BIRC6: variants seen among roughly 807,000 people sequenced by gnomAD.
BIRC6 encodes the protein baculoviral IAP repeat containing 6.
A neutral mutation model predicts 503.3 loss-of-function variants in BIRC6; 98 were observed. That is an observed-to-expected ratio of 0.19 (90% CI 0.17 to 0.23). BIRC6 has a LOEUF of 0.23. Among genes scored for constraint, BIRC6 ranks in the 10% least tolerant of loss-of-function variants. The probability of loss-of-function intolerance (pLI) is 1.00; values close to 1 mark genes in which losing one functional copy is unlikely to be tolerated. For synonymous variants in BIRC6, 2,240 were observed against 2,078.7 expected (o/e 1.08, Z -2.11); for missense variants, 5,360 against 5,806.0 (o/e 0.92, Z 2.50).
chr2:32,391,399 A>G (rs1264124039), intron 4 of BIRC6, among the ~76,000 whole-genome samples: 1 of 152,182 alleles, frequency 6.6e-6, no homozygotes, highest in Non-Finnish European at 1.5e-5. Flanking sequence ...ACGAAATGAG[A>G]TAGGTCTTCT....
chr2:32,452,277 A>T (rs904060300), intron 22 of BIRC6, among the ~76,000 whole-genome samples: 2 of 152,212 alleles, frequency 1.3e-5, no homozygotes, highest in African/African-American at 4.8e-5. Context: ...TTAAATAGGT[A>T]AAACATTGTC....
chr2:32,385,689 A>G (rs749659423), intron 3 of BIRC6, among the ~76,000 whole-genome samples: 1 of 152,186 alleles, frequency 6.6e-6, no homozygotes, highest in Non-Finnish European at 1.5e-5. Flanking sequence ...TCTTAAGGTA[A>G]AAGTGGCAGA....
chr2:32,368,898 C>A (rs930074619), intron 1 of BIRC6, among the ~76,000 whole-genome samples: 4 of 152,112 alleles, frequency 2.6e-5, no homozygotes, highest in Non-Finnish European at 4.4e-5. Context: ...GTGACCTGTC[C>A]TCCTTGGCCT....
At chr2:32,380,390 C>G in intron 3 of BIRC6, 100 bp downstream of exon 3, 5 of 1,382,802 alleles carry the variant, frequency 3.6e-6, no homozygotes, top group Non-Finnish European at 4.7e-6. Flanking sequence ...TGTTCTAATT[C>G]TAGATTTTTC....
At chr2:32,388,608 A>G (rs928517670) in intron 3 of BIRC6, 142 bp from the exon 4 acceptor site, 1 of 614,294 alleles carries the variant, frequency 1.6e-6, no homozygotes, top group Non-Finnish European at 2.6e-6. Flanking sequence ...TATAACTGCA[A>G]GTTTCTGTTT....
At chr2:32,524,091 A>T (rs1208035509) in intron 57 of BIRC6, among the ~76,000 whole-genome samples, 1 of 152,086 alleles carries the variant, frequency 6.6e-6, no homozygotes, top group Non-Finnish European at 1.5e-5. Flanking sequence ...TTATATAGTG[A>T]AAAAAATTAA....
At chr2:32,519,439 A>G (rs149811885) in intron 57 of BIRC6, among the ~76,000 whole-genome samples, 1,657 of 152,312 alleles carry the variant, frequency 0.011, 36 homozygotes, top group African/African-American at 0.038. Flanking sequence ...TTATAGGATG[A>G]TACCTTTAAA....
At chr2:32,493,866 A>T (rs945229354) in intron 45 of BIRC6, among the ~76,000 whole-genome samples, 199 bp downstream of exon 45, 1 of 152,102 alleles carries the variant, frequency 6.6e-6, no homozygotes, top group Non-Finnish European at 1.5e-5. Flanking sequence ...AAGTCCTTAT[A>T]CCTCTACTCT....
chr2:32,581,316 TGGTGA>T (rs1011835460), intron 66 of BIRC6, among the ~76,000 whole-genome samples: 1 of 152,158 alleles, frequency 6.6e-6, no homozygotes, highest in African/African-American at 2.4e-5. Context: ...ACTCATATGA[TGGTGA>T]GATATTATTA....
chr2:32,459,463 C>G (rs2047599037), intron 23 of BIRC6, among the ~76,000 whole-genome samples: 1 of 151,976 alleles, frequency 6.6e-6, no homozygotes, highest in Non-Finnish European at 1.5e-5. Flanking sequence ...GGGTATGTAC[C>G]TATGAGTACA....
rs10610125 is a variant in BIRC6, at chr2:32,431,181, C to CTTTTTTTTTTTTTTTTTTTTT, written c.3248+103_3248+123dup. On this transcript the variant is annotated intron_variant, in intron 12 of 73. Coordinates refer to ENST00000421745, the MANE Select transcript of BIRC6 (RefSeq NM_016252.4). ...AATTCCTAGGTATATTACTGTTTATCTTTTTTTTTTTTTTTTTTTTTTTTT... is the reference window on the plus strand; with the variant it reads ...AATTCCTAGGTATATTACTGTTTATCTTTTTTTTTTTTTTTTTTTTTTTTTTTTTTTTTTTTTTTTTTTTTT... 61 of 69,354 alleles carry CTTTTTTTTTTTTTTTTTTTTT rather than the reference C, an allele frequency of 8.8e-4. 23 individuals carry two copies. The highest frequency in any genetic ancestry group is 1.2e-3 in the Non-Finnish European group (44 of 37,424). The allele number at this position is 69,354 out of a possible 1,614,324, so 4.3% of individuals were successfully genotyped here.
At chr2:32,378,072 C>T (rs2037082360) in intron 2 of BIRC6, among the ~76,000 whole-genome samples, 1 of 152,034 alleles carries the variant, frequency 6.6e-6, no homozygotes, top group Non-Finnish European at 1.5e-5. Flanking sequence ...TAGTCCAGGG[C>T]TAAGTGTATG....
At chr2:32,425,010 T>C (rs1403466423) in intron 10 of BIRC6, among the ~76,000 whole-genome samples, 2 of 152,314 alleles carry the variant, frequency 1.3e-5, no homozygotes, top group Non-Finnish European at 2.9e-5. Flanking sequence ...TGATTAGTGA[T>C]GTTGAGCATT....
In BIRC6 at chr2:32,470,190, A is replaced by C. The variant is rs2048967328; in HGVS notation, c.6370A>C (p.Ile2124Leu). 6.4e-7 allele frequency: 1 copy of C among 1,561,632 alleles called. No homozygotes were observed. Among genetic ancestry groups the C allele is most frequent in the East Asian group, 2.3e-5 (1 of 43,452 alleles). The change falls in exon 31 of 74, where the codon ATT becomes CTT. Residue 2124 changes from isoleucine to leucine, a missense_variant. By Grantham distance (5) the Ile-to-Leu change is conservative. Coordinates refer to ENST00000421745, the MANE Select transcript of BIRC6 (RefSeq NM_016252.4). ...TAGGGTCTTCATGTTACTTTCCTGC[A>C]TTGGTCAAAGATCACTTAGTAATAG... ...QDRVFMLLSC[I>L]GQRSLSNSGV...
chr2:32,433,883 G>A, intron 13 of BIRC6, 79 bp downstream of exon 13: 2 of 1,228,336 alleles, frequency 1.6e-6, no homozygotes, highest in South Asian at 1.9e-5. Flanking sequence ...CCTTGGCTAA[G>A]TTTCGTGTCC....
intron 65 of BIRC6, among the ~76,000 whole-genome samples, chr2:32,550,947 A>G (rs1170052393): frequency 6.6e-6 from 1 of 151,990 alleles, no homozygotes; most frequent in Non-Finnish European, 1.5e-5. Flanking sequence ...ATGATGTATT[A>G]TTTTCCTGGA....
At chr2:32,411,883 G>A (rs1315840273) in intron 9 of BIRC6, among the ~76,000 whole-genome samples, 1 of 152,214 alleles carries the variant, frequency 6.6e-6, no homozygotes, top group East Asian at 1.9e-4. Flanking sequence ...AGAATTTTCA[G>A]TTTAGCGTCA....
intron 12 of BIRC6, among the ~76,000 whole-genome samples, chr2:32,433,075 G>C (rs994503336): frequency 5.9e-5 from 9 of 151,992 alleles, no homozygotes; most frequent in Non-Finnish European, 1.3e-4. Context: ...TTGTGTGACA[G>C]GGGAGAATAA....
chr2:32,495,497 G>A lies in BIRC6; in HGVS notation c.8468+1830G>A, dbSNP rs185475759. On this transcript the variant is annotated intron_variant, in intron 45 of 73. Transcript: ENST00000421745. ...ATAATATACACTGAAAGAAATACTCGGTATAAAGAAGGCATTCAGTTTTAT... is the reference window on the plus strand; with the variant it reads ...ATAATATACACTGAAAGAAATACTCAGTATAAAGAAGGCATTCAGTTTTAT... Among the ~76,000 whole-genome samples, 100 of 152,166 alleles carry A rather than the reference G, an allele frequency of 6.6e-4. No homozygotes were observed. In the East Asian group the frequency reaches 9.4e-3, roughly 14 times the overall value.
Sources: allele counts gnomAD v4.1 joint callset (sites outside exome capture counted in the v4.1 genomes callset), GRCh38; gene constraint gnomAD v4.1.1; transcripts MANE v1.5; gene names NCBI Gene and HGNC (gene_info 2026-07-23, HGNC 2026-07-21).